ABCG5: variants seen among roughly 807,000 people sequenced by gnomAD.
ABCG5 encodes the protein ATP-binding cassette sub-family G member 5.
Under a neutral mutation model 64.5 loss-of-function variants are expected in ABCG5, and 64 were observed. The ratio of observed to expected loss-of-function variants is 0.99; its 90% CI spans 0.81 to 1.22. ABCG5 has a LOEUF of 1.22. ABCG5 is among the 50% of genes most tolerant of loss of function. ABCG5 has a pLI of 0.00. For synonymous variants in ABCG5, 385 were observed against 326.3 expected (o/e 1.18, Z -1.94); for missense variants, 908 against 829.5 (o/e 1.09, Z -1.16).
In ABCG5 at chr2:43,822,871, C is replaced by T; in HGVS notation, c.1389G>A (p.Met463Ile). ...SQDGLYQKWQMMLAYALHVLP... is the reference protein window; with the variant it reads ...SQDGLYQKWQIMLAYALHVLP... ...GGACGTGCAGTGCATAGGCCAGCAT[C>T]ATCTGCCACTTCTGGTAGAGGCCGT... is the stretch of plus-strand genomic sequence containing the variant. The change falls in exon 10 of 13, where the codon ATG becomes ATA. Residue 463 changes from methionine (M) to isoleucine (I), a missense_variant. Physicochemically the swap from Met to Ile is conservative, Grantham distance 10 (BLOSUM62 1). Coordinates refer to ENST00000405322, the MANE Select transcript of ABCG5 (RefSeq NM_022436.3). 1 of 1,614,156 alleles carries T rather than the reference C, an allele frequency of 6.2e-7. No homozygotes were observed. Among genetic ancestry groups the T allele is most frequent in the Non-Finnish European group, 8.5e-7 (1 of 1,180,016 alleles).
chr2:43,828,490 A>AAAAG lies in ABCG5; in HGVS notation c.502-379_502-376dup, dbSNP rs1290370818. 72 of 379,684 alleles carry AAAAG rather than the reference A, an allele frequency of 1.9e-4. No individual in the cohort carries two copies. In the East Asian group the frequency reaches 3.3e-3, roughly 17 times the overall value. 23.5% of individuals were successfully genotyped at this position (379,684 alleles called of 1,614,324 possible). On this transcript the variant is annotated intron_variant, in intron 4 of 12. Transcript: ENST00000405322. ...GTCTCTACAAAAAAAAAAAAAAAAA[A>AAAAG]AAAGAAAGAAAAAAACAATAAATTA...
chr2:43,836,388 T>C (rs1243995461), intron 2 of ABCG5, among the ~76,000 whole-genome samples: 2 of 152,168 alleles, frequency 1.3e-5, no homozygotes, highest in Non-Finnish European at 2.9e-5. Context: ...CCCATCTCCA[T>C]TGAAGAGAAT....
chr2:43,818,514 C>T (rs1347372350), intron 11 of ABCG5, among the ~76,000 whole-genome samples: 1 of 152,080 alleles, frequency 6.6e-6, no homozygotes, highest in Non-Finnish European at 1.5e-5. Flanking sequence ...AATCATAAGT[C>T]GGGGATCATC....
At chr2:43,813,709 G>GT (rs1214033245) in intron 12 of ABCG5, among the ~76,000 whole-genome samples, 2,101 of 33,980 alleles carry the variant, frequency 0.062, 558 homozygotes, top group Middle Eastern at 0.12. Flanking sequence ...TTTTTTTTTC[G>GT]TTTTTTTTTT....
intron 2 of ABCG5, chr2:43,832,629 C>G (rs1039493027): frequency 6.0e-6 from 1 of 165,618 alleles, no homozygotes; most frequent in Non-Finnish European, 1.3e-5. Context: ...TGAGTCAGCT[C>G]TGCTTCAGTC....
At chr2:43,837,007 T>C (rs1668310208) in intron 2 of ABCG5, among the ~76,000 whole-genome samples, 1 of 142,958 alleles carries the variant, frequency 7.0e-6, no homozygotes, top group Admixed American at 7.0e-5. Flanking sequence ...CCAGCCTAAG[T>C]GACAGAGTGA....
At position 43,812,814 on chromosome 2, in the gene ABCG5, G is replaced by GA. The variant is rs140489975; in HGVS notation, c.*301dup. 2.3e-4 allele frequency: 78 copies of GA among 338,822 alleles called. No individual in the cohort carries two copies. The highest frequency in any genetic ancestry group is 1.0e-3 in the African/African-American group (49 of 47,704). The allele number at this position is 338,822 out of a possible 1,614,324, so 21.0% of individuals were successfully genotyped here. A position where few individuals can be genotyped will look rare whatever the true frequency, so the allele number is the denominator to read the frequency against. On this transcript the variant is annotated 3_prime_UTR_variant, in exon 13 of 13. Coordinates refer to ENST00000405322, the MANE Select transcript of ABCG5 (RefSeq NM_022436.3). ...TATTTTTTTCTGTGCCTAGAACAAG[G>GA]AAAAAAAATAGTCACACGAGTCTCC...
chr2:43,837,036 A>AAG (rs1668313814), intron 2 of ABCG5, among the ~76,000 whole-genome samples: 1 of 145,914 alleles, frequency 6.9e-6, no homozygotes, highest in East Asian at 2.1e-4. Context: ...CTCAAAAAAG[A>AAG]AAAAAAAAGA....
chr2:43,826,504 C>T lies in ABCG5; in HGVS notation c.652G>A (p.Glu218Lys), dbSNP rs1377867147. The change falls in exon 6 of 13, where the codon GAG becomes AAG. Residue 218 changes from glutamate to lysine, a missense_variant. Transcript: ENST00000405322. ...ATGCAGTCCAGGCCTGTGGTTGGCT[C>T]ATCAAACAGCATGACCTCTGCCAGC... ...LQDPKVMLFD[E>K]PTTGLDCMTA... 1 of 1,614,196 alleles carries T rather than the reference C, an allele frequency of 6.2e-7. No homozygotes were observed. The highest frequency in any genetic ancestry group is 1.1e-5 in the South Asian group (1 of 91,084).
At chr2:43,825,137 TATGGGAA>T in intron 6 of ABCG5, 119 bp from the exon 7 acceptor site, 1 of 1,241,568 alleles carries the variant, frequency 8.1e-7, no homozygotes. Flanking sequence ...ACCAAGTCCT[TATGGGAA>T]ATGCATTTCC....
At position 43,834,178 on chromosome 2, in the gene ABCG5, G is replaced by A. The variant is rs554581655; in HGVS notation, c.266-2095C>T. Among the ~76,000 whole-genome samples, 673 of 152,260 alleles carry A rather than the reference G, an allele frequency of 4.4e-3. 2 individuals carry two copies. Among genetic ancestry groups the A allele is most frequent in the South Asian group, 0.016 (75 of 4,822 alleles). On this transcript the variant is annotated intron_variant, in intron 2 of 12. Coordinates refer to ENST00000405322, the MANE Select transcript of ABCG5 (RefSeq NM_022436.3). The stretch of plus-strand genomic sequence containing the variant: ...AAAGAAACAAAATGTGACTTCATTG[G>A]GATTGTCTTTCAAAATGTGCCCTGT...
chr2:43,810,437 T>A (rs983073840), downstream of ABCG5: 20 of 985,286 alleles, frequency 2.0e-5, no homozygotes, highest in Admixed American at 6.8e-4. Flanking sequence ...GTGTTGCGGA[T>A]AACCAGGATT....
chr2:43,815,815 T>C (rs921981719), intron 11 of ABCG5, among the ~76,000 whole-genome samples: 14 of 148,302 alleles, frequency 9.4e-5, no homozygotes, highest in African/African-American at 2.8e-4. Context: ...TGACCATGAA[T>C]GAGACAGGTC....
Position 43,819,945 on chromosome 2 carries a change from G to C in ABCG5, c.1619C>G (p.Ala540Gly). The change falls in exon 11 of 13, where the codon GCG becomes GGG. Residue 540 changes from alanine to glycine, a missense_variant. Transcript: ENST00000405322. ...VNSVVALLSIAGVLVGSGFLR... is the reference protein window; with the variant it reads ...VNSVVALLSIGGVLVGSGFLR... ...GAATCCAGATCCAACAAGCACCCCC[G>C]CAATGGACAGCAGAGCCACTACACT... The C allele has an allele frequency of 1.2e-6, 2 of 1,613,930 alleles. No homozygotes were observed. Among genetic ancestry groups the C allele is most frequent in the Non-Finnish European group, 1.7e-6 (2 of 1,179,966 alleles).
chr2:43,833,046 G>A (rs560623030), intron 2 of ABCG5, among the ~76,000 whole-genome samples: 2 of 152,178 alleles, frequency 1.3e-5, no homozygotes, highest in Non-Finnish European at 2.9e-5. Context: ...CTGACCTCAG[G>A]TGATCCTCCC....
downstream of ABCG5, among the ~76,000 whole-genome samples, chr2:43,811,168 T>G (rs981383567): frequency 3.3e-5 from 5 of 152,210 alleles, no homozygotes; most frequent in Non-Finnish European, 7.3e-5. Flanking sequence ...CCTGTGGGAC[T>G]CTCTTTGAAC....
intron 6 of ABCG5, 79 bp from the exon 7 acceptor site, chr2:43,825,097 C>T: frequency 6.4e-7 from 1 of 1,557,924 alleles, no homozygotes; most frequent in Non-Finnish European, 8.8e-7. Flanking sequence ...AACACTGATG[C>T]AGGGCCAAGG....
the ABCG5 span, among the ~76,000 whole-genome samples, chr2:43,807,341 A>C: frequency 6.6e-6 from 1 of 151,982 alleles, no homozygotes; most frequent in African/African-American, 2.4e-5. Context: ...CTTAAGTAGT[A>C]TTTTCTGTTT....
At chr2:43,836,540 C>G (rs1668279873) in intron 2 of ABCG5, among the ~76,000 whole-genome samples, 1 of 152,166 alleles carries the variant, frequency 6.6e-6, no homozygotes, top group East Asian at 1.9e-4. Flanking sequence ...TGTGGTGTGC[C>G]ACACAGAACC....
Sources: gnomAD v4.1 joint callset for allele counts (sites outside exome capture counted in the v4.1 genomes callset) on GRCh38, gnomAD v4.1.1 for gene constraint, MANE v1.5 for transcripts, NCBI Gene and HGNC (gene_info 2026-07-23, HGNC 2026-07-21) for gene names.